The following NLRC5 variants were observed in gnomAD, a reference collection of about 807,000 sequenced individuals.
NLRC5 encodes NLR family CARD domain containing 5.
NLRC5 carries 114 observed loss-of-function variants against 206.9 expected under a neutral mutation model. That is an observed-to-expected ratio of 0.55 (90% confidence interval 0.47 to 0.64). The LOEUF is 0.64. Ranked by LOEUF, NLRC5 falls within the 30% of genes least tolerant of loss-of-function variation. NLRC5 has a pLI of 0.00. For synonymous variants in NLRC5, 952 were observed against 962.8 expected, an observed-to-expected ratio of 0.99 and a Z score of 0.21; for missense variants, 2,008 against 2,305.5, an observed-to-expected ratio of 0.87 and a Z score of 2.64.
At chr16:57,055,567 G>C in intron 27 of NLRC5, 48 bp downstream of exon 27, 1 of 1,491,020 alleles carries the variant, frequency 6.7e-7, no homozygotes. Context: ...ACGCATGCCT[G>C]AGGGGCACTG....
rs1443595020 is a variant in NLRC5 at position 57,039,853 on chromosome 16, G to C, written c.2870+4G>C. 3.1e-6 allele frequency: 5 copies of C among 1,613,290 alleles called. No individual in the cohort carries two copies. Among genetic ancestry groups the C allele is most frequent in the Non-Finnish European group, 4.2e-6 (5 of 1,179,354 alleles). On this transcript the variant is annotated splice_donor_region_variant and intron_variant, in intron 16 of 48. Transcript: ENST00000688547. ...AGCAGAAGGGGCCCCAGGAGAGGTA[G>C]GGCCCGATTTCACCCCAACTCCATG...
intron 13 of NLRC5, chr16:57,034,472 T>A (rs1437420955): frequency 9.1e-6 from 5 of 546,984 alleles, no homozygotes; most frequent in African/African-American, 7.6e-5. Context: ...ACTCCTCACA[T>A]CTCTGTGATG....
chr16:57,055,317 A>G (rs2065480003), intron 26 of NLRC5, 116 bp from the exon 27 acceptor site: 1 of 1,027,028 alleles, frequency 9.7e-7, no homozygotes, highest in Admixed American at 2.0e-5. Flanking sequence ...AGAGGGTCCA[A>G]GCTTGAGTGG....
At chr16:57,063,046 G>C (rs1399948757) in intron 32 of NLRC5, among the ~76,000 whole-genome samples, 2 of 151,630 alleles carry the variant, frequency 1.3e-5, no homozygotes, top group Non-Finnish European at 2.9e-5. Context: ...ATTTCATTGG[G>C]CATAATGTCC....
chr16:57,025,323 G>A lies in NLRC5; in HGVS notation c.425-45G>A, dbSNP rs771246348. ...ACTGGGGCAAGAAGACATGAGCAGA[G>A]GGCCGGGGGGTCCTCTCCTCATGCC... On this transcript the variant is annotated intron_variant, in intron 5 of 48. Coordinates refer to ENST00000688547, the MANE Select transcript of NLRC5 (RefSeq NM_001384950.1). The A allele has an allele frequency of 3.3e-6, 5 of 1,507,916 alleles. No individual in the cohort carries two copies. In the East Asian group the frequency reaches 6.8e-5, roughly 21 times the overall value. 93.4% of individuals were successfully genotyped at this position (1,507,916 alleles called of 1,614,324 possible).
chr16:57,067,365 T>C (rs181319333), intron 34 of NLRC5, 22 bp from the exon 35 acceptor site: 1,059 of 1,609,324 alleles, frequency 6.6e-4, no homozygotes, highest in Non-Finnish European at 8.6e-4. Context: ...TCCAAAACTG[T>C]CGTCTCCCTG....
chr16:57,078,007 C>T lies in NLRC5; in HGVS notation c.5068C>T (p.Leu1690=). The change falls in exon 43 of 49, where the codon CTG becomes TTG. Residue 1690 remains leucine (L), a synonymous_variant. Coordinates refer to ENST00000688547, the MANE Select transcript of NLRC5 (RefSeq NM_001384950.1). ...GCTGGCTCAGGAGCTGCCCCAGCAC[C>T]TGAGGGTCCTACAGTGAGTGGCCCC... ...LGLAQELPQH[L]RVLHLPFSHL... The T allele has an allele frequency of 6.2e-7, 1 of 1,607,766 alleles. No individual in the cohort carries two copies. Among genetic ancestry groups the T allele is most frequent in the Non-Finnish European group, 8.5e-7 (1 of 1,176,172 alleles).
chr16:57,081,905 C>T (rs2069196412), intron 48 of NLRC5, among the ~76,000 whole-genome samples: 1 of 152,204 alleles, frequency 6.6e-6, no homozygotes, highest in Non-Finnish European at 1.5e-5. Flanking sequence ...ACTAAATGAG[C>T]ATATAAAGCA....
At chr16:57,043,741 A>G (rs2063575708) in intron 20 of NLRC5, 137 bp downstream of exon 20, 1 of 726,330 alleles carries the variant, frequency 1.4e-6, no homozygotes, top group Admixed American at 1.9e-5. Flanking sequence ...AGATCTGCAG[A>G]GCATGTGATG....
intron 17 of NLRC5, 83 bp downstream of exon 17, chr16:57,040,801 A>G: frequency 7.4e-7 from 1 of 1,357,562 alleles, no homozygotes; most frequent in Non-Finnish European, 1.0e-6. Context: ...ACCTGTGCCC[A>G]GGCCCCACAT....
chr16:57,039,665 C>T (rs2063036855), intron 15 of NLRC5, 116 bp from the exon 16 acceptor site: 13 of 879,598 alleles, frequency 1.5e-5, no homozygotes, highest in Non-Finnish European at 2.4e-5. Context: ...TTCAGTGAGC[C>T]ATGATTGCAC....
intron 32 of NLRC5, among the ~76,000 whole-genome samples, chr16:57,064,721 C>T (rs2066903057): frequency 6.6e-6 from 1 of 152,128 alleles, no homozygotes. Flanking sequence ...GTCAGGAGTT[C>T]AAGACCAGCC....
chr16:57,027,522 T>G (rs1449158539), intron 6 of NLRC5, among the ~76,000 whole-genome samples: 1 of 152,152 alleles, frequency 6.6e-6, no homozygotes, highest in East Asian at 1.9e-4. Flanking sequence ...CCTCCCCAAA[T>G]ACAGTAGGTT....
intron 18 of NLRC5, 141 bp downstream of exon 18, chr16:57,041,715 A>C: frequency 4.2e-6 from 3 of 711,132 alleles, no homozygotes; most frequent in Non-Finnish European, 2.4e-6. Context: ...AATCTGGTGA[A>C]AGTTGTGACT....
At chr16:57,037,333 C>G (rs879027281) in intron 15 of NLRC5, 49 bp downstream of exon 15, 4 of 1,510,574 alleles carry the variant, frequency 2.6e-6, no homozygotes, top group South Asian at 1.1e-5. Flanking sequence ...CCATCATGCT[C>G]TCTCTGAAGC....
chr16:56,996,100 C>G (rs1383671137), intron 1 of NLRC5, among the ~76,000 whole-genome samples: 1 of 152,148 alleles, frequency 6.6e-6, no homozygotes, highest in Admixed American at 6.5e-5. Context: ...CGGTCAGAGC[C>G]CTGGGTCTGC....
rs766457208 is a variant in NLRC5, at chr16:57,030,017, G to A, written c.2350G>A (p.Val784Met). 1.7e-5 allele frequency: 28 copies of A among 1,614,012 alleles called. No individual in the cohort carries two copies. The highest frequency in any genetic ancestry group is 4.5e-5 in the East Asian group (2 of 44,894). ...CAGCCTGAGCAGCAACAGCATCTGC[G>A]TGTCAACCCTACTCTGCTTGGCAAG... ...KLDLSSNSIC[V>M]STLLCLARVA... Residue 784 changes from valine (V) to methionine (M), a missense_variant, in exon 10 of 49, where the codon GTG becomes ATG. Transcript: ENST00000688547.
At chr16:57,050,399 C>T (rs2064717709) in intron 23 of NLRC5, among the ~76,000 whole-genome samples, 1 of 152,228 alleles carries the variant, frequency 6.6e-6, no homozygotes, top group Admixed American at 6.5e-5. Flanking sequence ...GTACTCCATG[C>T]CTCCCCTCCA....
chr16:57,051,717 C>A, intron 24 of NLRC5, 96 bp downstream of exon 24: 1 of 942,938 alleles, frequency 1.1e-6, no homozygotes, highest in Non-Finnish European at 1.7e-6. Context: ...ACCCCTCAAC[C>A]CCCCGCCTTT....
Sources: gnomAD v4.1 joint callset for allele counts (sites outside exome capture counted in the v4.1 genomes callset) on GRCh38, gnomAD v4.1.1 for gene constraint, MANE v1.5 for transcripts, NCBI Gene and HGNC (gene_info 2026-07-23, HGNC 2026-07-21) for gene names.